MRC1: variants seen among roughly 807,000 people sequenced by gnomAD.
The protein encoded by MRC1 is mannose receptor C-type 1.
A neutral mutation model predicts 102.9 loss-of-function variants in MRC1; 62 were observed. The observed-to-expected ratio is 0.60, with a 90% CI of 0.49 to 0.74. The LOEUF is 0.74. MRC1 is among the 30% of genes least tolerant of loss of function. The probability of loss-of-function intolerance (pLI) is 0.00; values close to 1 mark genes in which losing one functional copy is unlikely to be tolerated. For missense variants in MRC1, 1,237 were observed against 862.8 expected, an observed-to-expected ratio of 1.43 and a Z score of -5.43; for synonymous variants, 457 against 298.4, an observed-to-expected ratio of 1.53 and a Z score of -5.48.
chr10:17,873,846 T>C (rs1833389073), intron 16 of MRC1, 21 bp downstream of exon 16: 4 of 872,292 alleles, frequency 4.6e-6, no homozygotes, highest in Non-Finnish European at 8.0e-6. Flanking sequence ...TCTTATTTTC[T>C]GATCTCTGTA....
At position 17,856,404 on chromosome 10, in the gene MRC1, C is replaced by A. The variant is rs1487687808; in HGVS notation, c.1518+52C>A. The A allele has an allele frequency of 7.4e-6, 6 of 810,470 alleles. No homozygotes were observed. In the African/African-American group the frequency reaches 8.4e-5, roughly 11 times the overall value. The allele number at this position is 810,470 out of a possible 1,614,324, so 50.2% of individuals were successfully genotyped here. A position where few individuals can be genotyped will look rare whatever the true frequency, so the allele number is the denominator to read the frequency against. On this transcript the variant is annotated intron_variant, in intron 9 of 29. Coordinates refer to ENST00000569591, the MANE Select transcript of MRC1 (RefSeq NM_002438.4). ...TAAGCTGAGCACGTATGAGTTGATACCGTTGGCTTTATTTTTATGTGTGAA... is the reference window on the plus strand; with the variant it reads ...TAAGCTGAGCACGTATGAGTTGATAACGTTGGCTTTATTTTTATGTGTGAA...
chr10:17,896,424 A>T (rs1833756425), intron 23 of MRC1, among the ~76,000 whole-genome samples: 1 of 152,168 alleles, frequency 6.6e-6, no homozygotes, highest in African/African-American at 2.4e-5. Flanking sequence ...AAACCATGCC[A>T]TCTTTGCCTC....
At chr10:17,828,233 C>A (rs907273736) in intron 3 of MRC1, among the ~76,000 whole-genome samples, 1 of 151,882 alleles carries the variant, frequency 6.6e-6, no homozygotes, top group Non-Finnish European at 1.5e-5. Flanking sequence ...CCCGCCACCA[C>A]GCCTGGCTAA....
chr10:17,847,526 G>C (rs1838843572), intron 6 of MRC1, among the ~76,000 whole-genome samples: 1 of 152,238 alleles, frequency 6.6e-6, no homozygotes, highest in Non-Finnish European at 1.5e-5. Flanking sequence ...AAGCGTATCA[G>C]AGTTCAAATT....
At chr10:17,836,862 A>T (rs919208829) in intron 4 of MRC1, among the ~76,000 whole-genome samples, 20 of 151,870 alleles carry the variant, frequency 1.3e-4, no homozygotes, top group East Asian at 3.9e-4. Flanking sequence ...ATAAAAATTT[A>T]AAAAAAAAGG....
intron 2 of MRC1, among the ~76,000 whole-genome samples, chr10:17,824,383 A>G (rs1838442555): frequency 6.6e-6 from 1 of 152,160 alleles, no homozygotes; most frequent in Admixed American, 6.6e-5. Context: ...ACAAGAGATA[A>G]CCTGTTTCCA....
intron 22 of MRC1, 58 bp from the exon 23 acceptor site, chr10:17,894,152 G>C: frequency 1.2e-6 from 1 of 862,006 alleles, no homozygotes; most frequent in East Asian, 2.4e-5. Flanking sequence ...TTAATGAATT[G>C]ATTTCAATAG....
intron 24 of MRC1, among the ~76,000 whole-genome samples, chr10:17,900,557 T>C (rs1285803161): frequency 1.3e-5 from 2 of 152,180 alleles, no homozygotes; most frequent in Non-Finnish European, 2.9e-5. Context: ...TTGAAATAAC[T>C]TCCAAGGATG....
chr10:17,877,029 C>T (rs1480053132), intron 17 of MRC1, among the ~76,000 whole-genome samples: 1 of 151,014 alleles, frequency 6.6e-6, no homozygotes, highest in Non-Finnish European at 1.5e-5. Flanking sequence ...ATATACCTTG[C>T]TTTGAAACTC....
intron 5 of MRC1, among the ~76,000 whole-genome samples, chr10:17,843,144 T>C (rs1358657345): frequency 6.6e-6 from 1 of 152,176 alleles, no homozygotes; most frequent in African/African-American, 2.4e-5. Context: ...TGTCTCAAAG[T>C]TGAGAGAGGT....
intron 9 of MRC1, among the ~76,000 whole-genome samples, chr10:17,858,924 G>A (rs1048332337): frequency 4.6e-5 from 7 of 152,128 alleles, no homozygotes; most frequent in African/African-American, 7.2e-5. Flanking sequence ...TATTATAGGC[G>A]GTTGTTCAAC....
Position 17,823,187 on chromosome 10 carries a change from C to A in MRC1, c.175C>A (p.Arg59=), listed in dbSNP as rs782628138. ...CCAGGATGCCGAATCACAGAAATTC[C>A]GATGGGTGTCCGAATCTCAGATTAT... ...CNQDAESQKF[R]WVSESQIMSV... The change falls in exon 2 of 30, where the codon CGA becomes AGA. Residue 59 remains arginine, a synonymous_variant. Transcript: ENST00000569591. 1.3e-6 allele frequency: 1 copy of A among 780,808 alleles called. No homozygotes were observed. The highest frequency in any genetic ancestry group is 2.4e-5 in the East Asian group (1 of 41,250). 48.4% of individuals were successfully genotyped at this position (780,808 alleles called of 1,614,324 possible).
At chr10:17,822,945 T>A in intron 1 of MRC1, 129 bp from the exon 2 acceptor site, 1 of 679,456 alleles carries the variant, frequency 1.5e-6, no homozygotes, top group Middle Eastern at 3.9e-4. Context: ...CCTCTTTTCC[T>A]GCAATCTTAA....
In MRC1 at chr10:17,863,640, G is replaced by A. The variant is rs1018321923; in HGVS notation, c.1741G>A (p.Glu581Lys). 27 of 780,710 alleles carry A rather than the reference G, an allele frequency of 3.5e-5. No individual in the cohort carries two copies. The Middle Eastern group carries it at 1.1e-3, about 32-fold the overall frequency. The allele number at this position is 780,710 out of a possible 1,614,324, so 48.4% of individuals were successfully genotyped here. ...QTKGTFQWTI[E>K]EEVRFTHWNS... is the part of the protein sequence containing the mutation. ...CAAAGGGACTTTTCAGTGGACCATC[G>A]AGGAAGAGGTTCGGTTCACCCACTG... Residue 581 changes from glutamate to lysine, a missense_variant, in exon 11 of 30, where the codon GAG becomes AAG. Coordinates refer to ENST00000569591, the MANE Select transcript of MRC1 (RefSeq NM_002438.4).
chr10:17,862,723 G>A (rs959121629), intron 10 of MRC1, among the ~76,000 whole-genome samples: 3 of 152,224 alleles, frequency 2.0e-5, no homozygotes, highest in Admixed American at 6.5e-5. Flanking sequence ...ATGTTGTATT[G>A]CTGTTAGGTT....
Position 17,823,094 on chromosome 10 carries a change from T to C in MRC1, c.82T>C (p.Tyr28His), listed in dbSNP as rs1236979761. 3 of 780,776 alleles carry C rather than the reference T, an allele frequency of 3.8e-6. No homozygotes were observed. The highest frequency in any genetic ancestry group is 7.2e-6 in the Non-Finnish European group (3 of 417,958). 48.4% of individuals were successfully genotyped at this position (780,776 alleles called of 1,614,324 possible). ...LLLDTRQFLIYNEDHKRCVDA... is the reference protein window; with the variant it reads ...LLLDTRQFLIHNEDHKRCVDA... ...AACAGACACCAGGCAATTTTTAATC[T>C]ATAATGAAGATCACAAGCGCTGCGT... is the stretch of plus-strand genomic sequence containing the variant. Residue 28 changes from tyrosine to histidine, a missense_variant, in exon 2 of 30, where the codon TAT (tyrosine) becomes CAT (histidine). By Grantham distance (83) the Tyr-to-His change is moderately conservative. Coordinates refer to ENST00000569591, the MANE Select transcript of MRC1 (RefSeq NM_002438.4).
chr10:17,856,944 A>G (rs2130653965), intron 9 of MRC1, among the ~76,000 whole-genome samples: 1 of 152,292 alleles, frequency 6.6e-6, no homozygotes. Flanking sequence ...AAGCACACAG[A>G]AGCTATGAAA....
intron 2 of MRC1, among the ~76,000 whole-genome samples, chr10:17,824,708 A>T (rs1317491737): frequency 2.0e-5 from 3 of 152,198 alleles, no homozygotes; most frequent in Admixed American, 2.0e-4. Flanking sequence ...ATTAAACTTG[A>T]CGGAGTCAAA....
At chr10:17,858,779 C>CCAGGCATGAGCCATCA (rs1419004118) in intron 9 of MRC1, among the ~76,000 whole-genome samples, 2 of 152,162 alleles carry the variant, frequency 1.3e-5, no homozygotes, top group South Asian at 2.1e-4. Context: ...AGCCATTGTG[C>CCAGGCATGAGCCATCA]CAGGCATGAG....
Sources: gnomAD v4.1 joint callset for allele counts (sites outside exome capture counted in the v4.1 genomes callset) on GRCh38, gnomAD v4.1.1 for gene constraint, MANE v1.5 for transcripts, NCBI Gene and HGNC (gene_info 2026-07-23, HGNC 2026-07-21) for gene names.